DMD: variants seen among roughly 807,000 people sequenced by gnomAD.
DMD encodes the protein mutant dystrophin.
In DMD, 63 loss-of-function variants were observed where a neutral mutation model predicts 330.1. The ratio of observed to expected loss-of-function variants is 0.19; its 90% CI spans 0.16 to 0.24. DMD has a LOEUF of 0.24. Ranked by LOEUF, DMD falls within the 10% of genes least tolerant of loss-of-function variation. The pLI is 1.00. For missense variants in DMD, 3,344 were observed against 2,684.1 expected (o/e 1.25, Z -5.43); for synonymous variants, 1,223 against 959.8 (o/e 1.27, Z -5.07).
chrX:31,846,434 TACACACACACACACACACAC>T (rs67231830), intron 48 of DMD, among the ~76,000 whole-genome samples: 35 of 95,489 alleles, frequency 3.7e-4, no homozygotes, highest in Non-Finnish European at 5.8e-4. Context: ...AATCAAGAAA[TACACACACACACACACACAC>T]ACACACACAC....
At chrX:32,696,485 T>C in intron 9 of DMD, among the ~76,000 whole-genome samples, 2 of 112,100 alleles carry the variant, frequency 1.8e-5, no homozygotes, top group Non-Finnish European at 3.8e-5. Flanking sequence ...CTGTGATTTA[T>C]GACATATTAT....
chrX:32,248,514 T>C lies in DMD; in HGVS notation c.6291-31451A>G, dbSNP rs1458626690. On this transcript the variant is annotated intron_variant, in intron 43 of 78. Transcript: ENST00000357033. ...ACTCAAATTATAATTAAAATATATG[T>C]TGTTACACACCTCGACAAGCAAGCA... Among the ~76,000 whole-genome samples the C allele has an allele frequency of 2.7e-5, 3 of 110,659 alleles. No individual in the cohort carries two copies. In the Admixed American group the frequency reaches 2.9e-4, roughly 11 times the overall value.
At chrX:32,684,764 T>C (rs1380795356) in intron 9 of DMD, among the ~76,000 whole-genome samples, 1 of 111,712 alleles carries the variant, frequency 9.0e-6, no homozygotes, top group Non-Finnish European at 1.9e-5. Context: ...GCTTTTGTCA[T>C]TTTCTGGCTC....
At chrX:32,317,175 T>A (rs1377097866) in intron 41 of DMD, among the ~76,000 whole-genome samples, 1 of 111,580 alleles carries the variant, frequency 9.0e-6, no homozygotes, top group African/African-American at 3.2e-5. Flanking sequence ...AATGCTATAA[T>A]CTGATTAATT....
intron 21 of DMD, among the ~76,000 whole-genome samples, chrX:32,477,297 A>G (rs2041333202): frequency 9.4e-6 from 1 of 106,932 alleles, no homozygotes; most frequent in Non-Finnish European, 1.9e-5. Context: ...TTATCTTGAA[A>G]AGTAAAAAAA....
chrX:32,487,470 C>A (rs1334441576), intron 20 of DMD, among the ~76,000 whole-genome samples: 1 of 110,455 alleles, frequency 9.1e-6, no homozygotes, highest in African/African-American at 3.3e-5. Flanking sequence ...AGAATTATAC[C>A]AATTCTGAAC....
intron 2 of DMD, among the ~76,000 whole-genome samples, chrX:32,888,327 C>T (rs941115260): frequency 2.7e-5 from 3 of 109,962 alleles, no homozygotes; most frequent in African/African-American, 1.0e-4. Flanking sequence ...CCCACCCCCA[C>T]AGGCTCCGGT....
At chrX:32,703,459 T>G (rs1017175263) in intron 7 of DMD, among the ~76,000 whole-genome samples, 3 of 111,840 alleles carry the variant, frequency 2.7e-5, no homozygotes, top group Admixed American at 9.5e-5. Flanking sequence ...CCAGAAGAAT[T>G]TACTTAGAAG....
At chrX:33,131,207 C>G (rs992920277) in intron 1 of DMD, among the ~76,000 whole-genome samples, 6 of 110,904 alleles carry the variant, frequency 5.4e-5, no homozygotes, top group Non-Finnish European at 3.8e-5. Context: ...GCTGCTGCTG[C>G]TGGTGGTCTT....
chrX:32,716,817 G>A (rs73458813), intron 7 of DMD, among the ~76,000 whole-genome samples: 4,571 of 111,361 alleles, frequency 0.041, 243 homozygotes, highest in African/African-American at 0.14. Context: ...GGTCACTCTC[G>A]CAATGCTTTA....
At chrX:32,907,414 CAT>C (rs1397764220) in intron 2 of DMD, among the ~76,000 whole-genome samples, 1 of 112,072 alleles carries the variant, frequency 8.9e-6, no homozygotes, top group Non-Finnish European at 1.9e-5. Flanking sequence ...TCCTTCCCTT[CAT>C]ATCTCACTAT....
At chrX:31,763,763 T>G (rs1002632623) in intron 51 of DMD, among the ~76,000 whole-genome samples, 4 of 112,376 alleles carry the variant, frequency 3.6e-5, no homozygotes, top group Middle Eastern at 9.2e-3. Context: ...TGGTTAATAA[T>G]TGGATTTGGT....
chrX:33,031,403 G>C (rs909877051), intron 1 of DMD, among the ~76,000 whole-genome samples: 1 of 110,993 alleles, frequency 9.0e-6, no homozygotes, highest in Non-Finnish European at 1.9e-5. Context: ...TAGGAGCATC[G>C]TTATTGTCTG....
In DMD at chrX:33,334,888, TAGCACTG is replaced by T. The variant is rs753261043; in HGVS notation, c.7+4364_7+4370del. On this transcript the variant is annotated intron_variant, in intron 1 of 17. Coordinates refer to the DMD transcript ENST00000288447. ...CCATTTAGTGCAGAAACTCCATTCTTAGCACTGAACACTTTAGGAATAAGGAGTGCAG... is the reference window on the plus strand; with the variant it reads ...CCATTTAGTGCAGAAACTCCATTCTTAACACTTTAGGAATAAGGAGTGCAG... Among the ~76,000 whole-genome samples the T allele has an allele frequency of 5.8e-4, 65 of 111,627 alleles. No individual in the cohort carries two copies. The South Asian group carries it at 0.021, about 36-fold the overall frequency.
intron 13 of DMD, among the ~76,000 whole-genome samples, chrX:32,575,342 G>T (rs1251684995): frequency 8.9e-6 from 1 of 112,154 alleles, no homozygotes; most frequent in Non-Finnish European, 1.9e-5. Flanking sequence ...GTACTTATAT[G>T]CAGCTCAATC....
intron 5 of DMD, among the ~76,000 whole-genome samples, chrX:32,822,160 T>C (rs1487014139): frequency 8.9e-6 from 1 of 111,849 alleles, no homozygotes; most frequent in Non-Finnish European, 1.9e-5. Flanking sequence ...TCAATACAAG[T>C]CATATGATAC....
chrX:31,121,787 TATGA>T lies in DMD; in HGVS notation c.*128_*131del, dbSNP rs759027519. 16 of 913,436 alleles carry T rather than the reference TATGA, an allele frequency of 1.8e-5. No homozygotes were observed. Among genetic ancestry groups the T allele is most frequent in the Non-Finnish European group, 2.6e-5 (16 of 624,352 alleles). The allele number at this position is 913,436 out of a possible 1,213,427, so 75.3% of individuals were successfully genotyped here. Reference sequence around the variant, plus strand: ...TCTTACTGTCTAATCCTCTTTGTTGTATGAATATTATAAAAACCATGCGGGAATC... The same window carrying T: ...TCTTACTGTCTAATCCTCTTTGTTGTATATTATAAAAACCATGCGGGAATC... On this transcript the variant is annotated 3_prime_UTR_variant, in exon 79 of 79. Transcript: ENST00000357033.
intron 55 of DMD, among the ~76,000 whole-genome samples, chrX:31,560,813 G>A (rs890473214): frequency 4.5e-5 from 5 of 111,788 alleles, no homozygotes; most frequent in Admixed American, 9.5e-5. Flanking sequence ...TAGTAACATC[G>A]TATTTTCTCT....
intron 74 of DMD, among the ~76,000 whole-genome samples, chrX:31,160,558 A>G (rs1426243530): frequency 8.9e-6 from 1 of 111,866 alleles, no homozygotes; most frequent in Non-Finnish European, 1.9e-5. Flanking sequence ...TGTGTTCCAT[A>G]TAACATTGCA....
Sources: gnomAD v4.1 joint callset for allele counts (sites outside exome capture counted in the v4.1 genomes callset) on GRCh38, gnomAD v4.1.1 for gene constraint, MANE v1.5 for transcripts, NCBI Gene and HGNC (gene_info 2026-07-23, HGNC 2026-07-21) for gene names.